Variants in ITM2B observed in about 807,000 individuals in gnomAD.
ITM2B encodes the protein integral membrane protein 2B.
Under a neutral mutation model 27.8 loss-of-function variants are expected in ITM2B, and 11 were observed. The observed-to-expected ratio is 0.40, with a 90% CI of 0.25 to 0.66. The LOEUF is 0.66. Ranked by LOEUF, ITM2B falls within the 30% of genes least tolerant of loss-of-function variation. The probability of loss-of-function intolerance (pLI) is 0.43; values close to 1 mark genes in which losing one functional copy is unlikely to be tolerated. For synonymous variants in ITM2B, 114 were observed against 114.3 expected, an observed-to-expected ratio of 1.00 and a Z score of 0.02; for missense variants, 296 against 328.9, an observed-to-expected ratio of 0.90 and a Z score of 0.77.
intron 1 of ITM2B, among the ~76,000 whole-genome samples, chr13:48,250,487 G>A (rs140233414): frequency 0.011 from 1,699 of 152,074 alleles, 16 homozygotes; most frequent in Middle Eastern, 0.037. Flanking sequence ...GTGTGGTGGC[G>A]GGCGCCTGTA....
In ITM2B at chr13:48,268,092, A is replaced by G. The variant is rs2138003032; in HGVS notation, c.*6868A>G. ...CTGCTAAAACTACTTTTTCATTTCT[A>G]TGACCATAGTTCAGTTTTTGGCTAT... On this transcript the variant is annotated 3_prime_UTR_variant, in exon 6 of 6. Coordinates refer to ENST00000647800, the MANE Select transcript of ITM2B (RefSeq NM_021999.5). 1 of 152,210 alleles carries G rather than the reference A, an allele frequency of 6.6e-6. No homozygotes were observed. The highest frequency in any genetic ancestry group is 2.1e-4 in the South Asian group (1 of 4,830). The allele number at this position is 152,210 out of a possible 1,614,324, so 9.4% of individuals were successfully genotyped here.
intron 1 of ITM2B, among the ~76,000 whole-genome samples, chr13:48,238,339 C>T (rs1052282545): frequency 2.0e-5 from 3 of 152,050 alleles, no homozygotes; most frequent in African/African-American, 7.2e-5. Flanking sequence ...ATTGTGCATT[C>T]TTTAAGCTCT....
intron 5 of ITM2B, among the ~76,000 whole-genome samples, chr13:48,259,322 A>T (rs1566164372): frequency 6.6e-6 from 1 of 152,228 alleles, no homozygotes; most frequent in Admixed American, 6.5e-5. Context: ...CTGGATTCTA[A>T]GCAGGCTGTT....
At chr13:48,252,670 A>G (rs1457754321) in intron 1 of ITM2B, among the ~76,000 whole-genome samples, 1 of 152,210 alleles carries the variant, frequency 6.6e-6, no homozygotes, top group Non-Finnish European at 1.5e-5. Context: ...TGCATCATTC[A>G]TAGTTTTTCT....
chr13:48,250,605 G>A (rs764273396), intron 1 of ITM2B, among the ~76,000 whole-genome samples: 14 of 149,966 alleles, frequency 9.3e-5, no homozygotes, highest in Non-Finnish European at 1.3e-4. Context: ...GCAACAGAGC[G>A]AGACTCCATC....
chr13:48,245,500 T>A (rs988048643), intron 1 of ITM2B, among the ~76,000 whole-genome samples: 1 of 152,156 alleles, frequency 6.6e-6, no homozygotes, highest in East Asian at 1.9e-4. Context: ...AGTGATTAAG[T>A]TATGATCCAG....
intron 1 of ITM2B, among the ~76,000 whole-genome samples, chr13:48,248,002 G>A (rs548115015): frequency 3.9e-4 from 59 of 152,232 alleles, no homozygotes; most frequent in African/African-American, 1.2e-3. Flanking sequence ...GCAGTAGAAG[G>A]GAGGAAACGT....
At position 48,256,156 on chromosome 13, in the gene ITM2B, G is replaced by T. The variant is rs200601547; in HGVS notation, c.247-21G>T. On this transcript the variant is annotated intron_variant, in intron 2 of 5. Coordinates refer to ENST00000647800, the MANE Select transcript of ITM2B (RefSeq NM_021999.5). ...CTGTCTCATGCTGAATTGCTGAAAT[G>T]AGTCTTTAAACTCTCTATAGCCAGA... 6.6e-5 allele frequency: 103 copies of T among 1,557,054 alleles called. No homozygotes were observed. The East Asian group carries it at 2.0e-3, about 30-fold the overall frequency.
chr13:48,243,328 T>C (rs1434328592), intron 1 of ITM2B, among the ~76,000 whole-genome samples: 6 of 152,202 alleles, frequency 3.9e-5, no homozygotes, highest in Admixed American at 3.9e-4. Flanking sequence ...TGGTGTGCCT[T>C]AGTTATTTTC....
rs749265683 is a variant in ITM2B, at chr13:48,265,055, T to C, written c.*3831T>C. On this transcript the variant is annotated 3_prime_UTR_variant, in exon 6 of 6. Coordinates refer to ENST00000647800, the MANE Select transcript of ITM2B (RefSeq NM_021999.5). ...TTAGGGGTCAAAATTGAGACCTAAG[T>C]GGTATAAAACAAGATAATCCTAGCT... 4.6e-5 allele frequency: 7 copies of C among 152,082 alleles called. No homozygotes were observed. The highest frequency in any genetic ancestry group is 6.6e-5 in the Admixed American group (1 of 15,252). The allele number at this position is 152,082 out of a possible 1,614,324, so 9.4% of individuals were successfully genotyped here.
rs1001992175 is a variant in ITM2B at position 48,263,408 on chromosome 13, T to A, written c.*2184T>A. 20 of 152,066 alleles carry A rather than the reference T, an allele frequency of 1.3e-4. No homozygotes were observed. Among genetic ancestry groups the A allele is most frequent in the African/African-American group, 3.9e-4 (16 of 41,400 alleles). 9.4% of individuals were successfully genotyped at this position (152,066 alleles called of 1,614,324 possible). A position where few individuals can be genotyped will look rare whatever the true frequency, so the allele number is the denominator to read the frequency against. On this transcript the variant is annotated 3_prime_UTR_variant, in exon 6 of 6. Coordinates refer to ENST00000647800, the MANE Select transcript of ITM2B (RefSeq NM_021999.5). Reference sequence around the variant, plus strand: ...CTAGGGCTGAATGAATAATGTGCCCTTTGAACCCTTGTGCCATGCTGGAAA... The same window carrying A: ...CTAGGGCTGAATGAATAATGTGCCCATTGAACCCTTGTGCCATGCTGGAAA...
chr13:48,252,402 C>G (rs1373321123), intron 1 of ITM2B, among the ~76,000 whole-genome samples: 1 of 152,240 alleles, frequency 6.6e-6, no homozygotes, highest in African/African-American at 2.4e-5. Flanking sequence ...TGAGCTCCGC[C>G]TCCTCTCAGA....
chr13:48,238,864 G>C (rs1003120769), intron 1 of ITM2B, among the ~76,000 whole-genome samples: 1 of 152,052 alleles, frequency 6.6e-6, no homozygotes, highest in Non-Finnish European at 1.5e-5. Context: ...AGAAAGTAAA[G>C]GAGTAAAAGA....
intron 1 of ITM2B, among the ~76,000 whole-genome samples, chr13:48,241,029 A>T (rs1227041836): frequency 6.6e-6 from 1 of 152,206 alleles, no homozygotes; most frequent in Non-Finnish European, 1.5e-5. Flanking sequence ...CATGGTGACC[A>T]CTAGACCCTC....
chr13:48,237,503 A>G (rs1368294667), intron 1 of ITM2B, among the ~76,000 whole-genome samples: 1 of 152,254 alleles, frequency 6.6e-6, no homozygotes, highest in African/African-American at 2.4e-5. Flanking sequence ...AGAAATGAGT[A>G]TAATATACTT....
At chr13:48,241,666 TAAG>T (rs1951700689) in intron 1 of ITM2B, among the ~76,000 whole-genome samples, 1 of 152,212 alleles carries the variant, frequency 6.6e-6, no homozygotes, top group Non-Finnish European at 1.5e-5. Flanking sequence ...CAAAAAGATT[TAAG>T]AAGACTAACA....
At chr13:48,248,948 AT>A (rs1951737949) in intron 1 of ITM2B, among the ~76,000 whole-genome samples, 2 of 152,238 alleles carry the variant, frequency 1.3e-5, no homozygotes, top group South Asian at 4.1e-4. Flanking sequence ...GGTGTTAGAC[AT>A]TCTTTTATTG....
Position 48,270,256 on chromosome 13 carries a change from T to G in ITM2B, c.*9032T>G, listed in dbSNP as rs1951876867. ...GGGGCCTTCCTGGCCATGACCACACTACCTTATTTTTCTCTATAGTACTTA... is the reference window on the plus strand; with the variant it reads ...GGGGCCTTCCTGGCCATGACCACACGACCTTATTTTTCTCTATAGTACTTA... On this transcript the variant is annotated 3_prime_UTR_variant, in exon 6 of 6. Transcript: ENST00000647800. 1 of 152,260 alleles carries G rather than the reference T, an allele frequency of 6.6e-6. No homozygotes were observed. The highest frequency in any genetic ancestry group is 1.5e-5 in the Non-Finnish European group (1 of 68,058). 9.4% of individuals were successfully genotyped at this position (152,260 alleles called of 1,614,324 possible). A position where few individuals can be genotyped will look rare whatever the true frequency, so the allele number is the denominator to read the frequency against.
chr13:48,233,277 C>T lies in ITM2B; in HGVS notation c.-84C>T. ...CCCGGAGCCGCTCCCGGAGCCCGGCCGTAGAGGCTGCAATCGCAGCCGGGA... is the reference window on the plus strand; with the variant it reads ...CCCGGAGCCGCTCCCGGAGCCCGGCTGTAGAGGCTGCAATCGCAGCCGGGA... On this transcript the variant is annotated 5_prime_UTR_variant, in exon 1 of 6. Transcript: ENST00000647800. 1 of 845,424 alleles carries T rather than the reference C, an allele frequency of 1.2e-6. No individual in the cohort carries two copies. The highest frequency in any genetic ancestry group is 1.8e-6 in the Non-Finnish European group (1 of 544,762). The allele number at this position is 845,424 out of a possible 1,614,324, so 52.4% of individuals were successfully genotyped here. A position where few individuals can be genotyped will look rare whatever the true frequency, so the allele number is the denominator to read the frequency against.
Sources: gnomAD v4.1 joint callset for allele counts (sites outside exome capture counted in the v4.1 genomes callset) on GRCh38, gnomAD v4.1.1 for gene constraint, MANE v1.5 for transcripts, NCBI Gene and HGNC (gene_info 2026-07-23, HGNC 2026-07-21) for gene names.